Variants in DCC observed in about 807,000 individuals in gnomAD.
The protein encoded by DCC is netrin receptor DCC.
A neutral mutation model predicts 172.5 loss-of-function variants in DCC; 58 were observed. That is an observed-to-expected ratio of 0.34 (90% CI 0.27 to 0.42). The LOEUF is 0.42. Among genes scored for constraint, DCC ranks in the 10% least tolerant of loss-of-function variants. The pLI is 1.00. For missense variants in DCC, 1,740 were observed against 1,791.0 expected, an observed-to-expected ratio of 0.97 and a Z score of 0.51; for synonymous variants, 709 against 644.5, an observed-to-expected ratio of 1.10 and a Z score of -1.52.
intron 15 of DCC, among the ~76,000 whole-genome samples, chr18:53,363,704 T>C (rs976824664): frequency 2.0e-5 from 3 of 152,118 alleles, no homozygotes; most frequent in Non-Finnish European, 4.4e-5. Context: ...GAGTCTCCCA[T>C]AGTATTGACA....
chr18:53,424,329 G>A (rs1018169584), intron 21 of DCC, among the ~76,000 whole-genome samples: 2 of 152,128 alleles, frequency 1.3e-5, no homozygotes, highest in African/African-American at 4.8e-5. Flanking sequence ...GATAACTTGT[G>A]GATTACTATG....
chr18:52,956,664 T>G (rs564698678), intron 5 of DCC, among the ~76,000 whole-genome samples: 10 of 152,154 alleles, frequency 6.6e-5, no homozygotes, highest in Non-Finnish European at 1.3e-4. Flanking sequence ...CAGATTCACA[T>G]GGACTCTATA....
chr18:53,254,724 G>A (rs1164206447), intron 12 of DCC, among the ~76,000 whole-genome samples: 1 of 152,024 alleles, frequency 6.6e-6, no homozygotes, highest in African/African-American at 2.4e-5. Flanking sequence ...GTCCCCTTTC[G>A]TTCAGAATTG....
chr18:53,113,063 T>G (rs769535829), intron 7 of DCC, among the ~76,000 whole-genome samples: 21 of 151,474 alleles, frequency 1.4e-4, no homozygotes, highest in African/African-American at 1.9e-4. Flanking sequence ...TAAATGAGTT[T>G]CTAGGGCTCC....
At chr18:52,934,785 G>C (rs1385080880) in intron 5 of DCC, 1 of 152,082 alleles carries the variant, frequency 6.6e-6, no homozygotes, top group Non-Finnish European at 1.5e-5. Flanking sequence ...AAGAGTTACT[G>C]GAGCACTCTC....
At chr18:52,551,869 A>C (rs1284856750) in intron 1 of DCC, among the ~76,000 whole-genome samples, 2 of 152,168 alleles carry the variant, frequency 1.3e-5, no homozygotes, top group African/African-American at 4.8e-5. Context: ...CCCCATGAGC[A>C]GCATTGTCTA....
intron 1 of DCC, among the ~76,000 whole-genome samples, chr18:52,744,837 A>T (rs1465063884): frequency 6.6e-6 from 1 of 152,232 alleles, no homozygotes; most frequent in Non-Finnish European, 1.5e-5. Flanking sequence ...GTCTACAATT[A>T]TATTGTGGAA....
At chr18:53,090,681 GA>G (rs2042989897) in intron 7 of DCC, among the ~76,000 whole-genome samples, 1 of 74,510 alleles carries the variant, frequency 1.3e-5, no homozygotes, top group Non-Finnish European at 2.6e-5. Context: ...GTGACAGAGC[GA>G]AACTCCGTCC....
intron 1 of DCC, among the ~76,000 whole-genome samples, chr18:52,660,204 A>G (rs933843369): frequency 6.6e-6 from 1 of 152,092 alleles, no homozygotes; most frequent in African/African-American, 2.4e-5. Context: ...CTCACCAATT[A>G]TTTTGCTCCA....
chr18:53,088,393 G>C (rs928697888), intron 7 of DCC, among the ~76,000 whole-genome samples: 4 of 152,070 alleles, frequency 2.6e-5, no homozygotes, highest in Non-Finnish European at 5.9e-5. Flanking sequence ...CTCATGATTT[G>C]GCTCTCTGTT....
At position 53,038,643 on chromosome 18, in the gene DCC, C is replaced by A. The variant is rs146132318; in HGVS notation, c.986-24662C>A. ...AGCTGAGACCCAGAATAGGTGAATT[C>A]ATTGCCCCCAAATTCCATGACCACT... On this transcript the variant is annotated intron_variant, in intron 5 of 28. Coordinates refer to ENST00000442544, the MANE Select transcript of DCC (RefSeq NM_005215.4). Among the ~76,000 whole-genome samples, 1,330 of 150,930 alleles carry A rather than the reference C, an allele frequency of 8.8e-3. 14 individuals are homozygous for A. The highest frequency in any genetic ancestry group is 0.032 in the South Asian group (155 of 4,802).
At chr18:52,581,535 A>G (rs758257028) in intron 1 of DCC, among the ~76,000 whole-genome samples, 2 of 152,304 alleles carry the variant, frequency 1.3e-5, no homozygotes, top group East Asian at 1.9e-4. Context: ...GACAGCCTAT[A>G]TAAGTAAGAA....
At chr18:53,365,862 T>A (rs1396311990) in intron 15 of DCC, among the ~76,000 whole-genome samples, 1 of 152,128 alleles carries the variant, frequency 6.6e-6, no homozygotes, top group East Asian at 1.9e-4. Context: ...ATACAACAAA[T>A]CCTTTGCTGA....
intron 23 of DCC, among the ~76,000 whole-genome samples, chr18:53,454,900 T>C (rs977271846): frequency 4.6e-5 from 7 of 152,198 alleles, no homozygotes; most frequent in African/African-American, 9.6e-5. Flanking sequence ...TAATTCCATC[T>C]CAGAATTTTT....
Position 53,427,879 on chromosome 18 carries a change from CAT to C in DCC, c.3164-7259_3164-7258del, listed in dbSNP as rs1382839006. ...TTTATATATAATATATAAATATATA[CAT>C]ATATAATATAATAAATTATATATAA... is the stretch of plus-strand genomic sequence containing the variant. On this transcript the variant is annotated intron_variant, in intron 21 of 28. Coordinates refer to ENST00000442544, the MANE Select transcript of DCC (RefSeq NM_005215.4). Among the ~76,000 whole-genome samples, 15 of 28,550 alleles carry C rather than the reference CAT, an allele frequency of 5.3e-4. 3 individuals carry two copies. Among genetic ancestry groups the C allele is most frequent in the Admixed American group, 1.4e-3 (3 of 2,180 alleles). 18.7% of individuals were successfully genotyped at this position (28,550 alleles called of 152,430 possible). A position where few individuals can be genotyped will look rare whatever the true frequency, so the allele number is the denominator to read the frequency against.
At chr18:52,451,767 G>A (rs1023939065) in intron 1 of DCC, among the ~76,000 whole-genome samples, 16 of 152,044 alleles carry the variant, frequency 1.1e-4, no homozygotes, top group African/African-American at 2.7e-4. Context: ...GAGTCGGCTC[G>A]TAGGGCTGGG....
chr18:52,784,387 A>G (rs1264194220), intron 2 of DCC, among the ~76,000 whole-genome samples: 1 of 152,066 alleles, frequency 6.6e-6, no homozygotes, highest in African/African-American at 2.4e-5. Flanking sequence ...GGGTGAAGGT[A>G]TCTCTTTGAT....
intron 5 of DCC, among the ~76,000 whole-genome samples, chr18:52,943,843 G>A (rs2040500468): frequency 6.6e-6 from 1 of 152,054 alleles, no homozygotes; most frequent in African/African-American, 2.4e-5. Flanking sequence ...TCCGCCTCCT[G>A]GGTTCAAGTG....
At chr18:53,230,370 C>G (rs1025965426) in intron 12 of DCC, among the ~76,000 whole-genome samples, 4 of 151,960 alleles carry the variant, frequency 2.6e-5, no homozygotes, top group Non-Finnish European at 5.9e-5. Context: ...TTATTTCAGC[C>G]TTTCAAAAAT....
Sources: gnomAD v4.1 joint callset for allele counts (sites outside exome capture counted in the v4.1 genomes callset) on GRCh38, gnomAD v4.1.1 for gene constraint, MANE v1.5 for transcripts, NCBI Gene and HGNC (gene_info 2026-07-23, HGNC 2026-07-21) for gene names.